Variants in SPECC1 observed in about 807,000 individuals in gnomAD.
The protein encoded by SPECC1 is sperm antigen with calponin homology and coiled-coil domains 1.
SPECC1 carries 62 observed loss-of-function variants against 104.1 expected under a neutral mutation model. That is an observed-to-expected ratio of 0.60 (90% confidence interval 0.49 to 0.74). SPECC1 has a LOEUF of 0.74. SPECC1 is among the 30% of genes least tolerant of loss of function. The probability of loss-of-function intolerance (pLI) is 0.00; values close to 1 mark genes in which losing one functional copy is unlikely to be tolerated. For missense variants in SPECC1, 1,306 were observed against 1,310.5 expected (o/e 1.00, Z 0.05); for synonymous variants, 513 against 501.6 (o/e 1.02, Z -0.30).
At chr17:20,096,054 T>A (rs2047629863) in intron 1 of SPECC1, 1 of 152,222 alleles carries the variant, frequency 6.6e-6, no homozygotes, top group Non-Finnish European at 1.5e-5. Context: ...ACAATTTTCC[T>A]TTCATAAAAT....
At chr17:20,015,481 C>T (rs2044083292) in intron 1 of SPECC1, among the ~76,000 whole-genome samples, 2 of 151,664 alleles carry the variant, frequency 1.3e-5, no homozygotes, top group African/African-American at 4.8e-5. Flanking sequence ...GCTGGTTTTG[C>T]AGGTCACCAA....
In SPECC1 at chr17:20,201,398, CTT is replaced by C. The variant is rs10617521; in HGVS notation, c.284-2934_284-2933del. Among the ~76,000 whole-genome samples the C allele has an allele frequency of 6.6e-3, 1,003 of 152,204 alleles. 9 individuals are homozygous for C. The highest frequency in any genetic ancestry group is 0.023 in the African/African-American group (950 of 41,530). On this transcript the variant is annotated intron_variant, in intron 3 of 14. Transcript: ENST00000395527. ...TCGGGATGCTGAGGCAGGAGAATCA[CTT>C]AAACTTTGGAGGCAGAGGTTGCAGT...
chr17:20,180,799 A>G (rs975817733), intron 3 of SPECC1, among the ~76,000 whole-genome samples: 1 of 152,256 alleles, frequency 6.6e-6, no homozygotes, highest in Non-Finnish European at 1.5e-5. Context: ...GGTTAGAAAC[A>G]ACATATGCAA....
At chr17:20,228,824 C>G (rs1235907044) in intron 5 of SPECC1, among the ~76,000 whole-genome samples, 1 of 152,110 alleles carries the variant, frequency 6.6e-6, no homozygotes, top group Admixed American at 6.5e-5. Flanking sequence ...TAAGCCTTAC[C>G]AAATTATCAC....
chr17:20,166,637 G>T (rs1296227824), intron 3 of SPECC1, among the ~76,000 whole-genome samples: 1 of 152,056 alleles, frequency 6.6e-6, no homozygotes, highest in East Asian at 1.9e-4. Context: ...ACATTCAAAA[G>T]AAAAGAAACA....
intron 1 of SPECC1, among the ~76,000 whole-genome samples, chr17:20,030,250 C>CT (rs1288635040): frequency 6.6e-6 from 1 of 151,964 alleles, no homozygotes; most frequent in Non-Finnish European, 1.5e-5. Flanking sequence ...ACATGTGTGT[C>CT]TTAACTTACC....
chr17:20,280,407 A>C lies in SPECC1; in HGVS notation c.2941-16554A>C, dbSNP rs117677829. Among the ~76,000 whole-genome samples the C allele has an allele frequency of 1.4e-4, 22 of 152,344 alleles. No homozygotes were observed. The East Asian group carries it at 4.1e-3, about 28-fold the overall frequency. On this transcript the variant is annotated intron_variant, in intron 12 of 14. Coordinates refer to ENST00000395527, the MANE Select transcript of SPECC1 (RefSeq NM_001243439.2). ...CTAGTAAGGGATAGAGCTGGGACTG[A>C]ACTCCTGCTGTTGGGCCCAGCATCC...
intron 12 of SPECC1, among the ~76,000 whole-genome samples, chr17:20,289,936 G>C (rs1470001893): frequency 1.3e-5 from 2 of 152,198 alleles, no homozygotes; most frequent in Non-Finnish European, 2.9e-5. Flanking sequence ...TTAGAGAGAA[G>C]AAGAGTGTTT....
At chr17:20,088,090 C>T (rs1043672183) in intron 1 of SPECC1, among the ~76,000 whole-genome samples, 3 of 152,018 alleles carry the variant, frequency 2.0e-5, no homozygotes, top group African/African-American at 7.2e-5. Context: ...GTGATCAGAG[C>T]TAGGCGAGGA....
intron 9 of SPECC1, among the ~76,000 whole-genome samples, chr17:20,252,103 T>C (rs942905251): frequency 2.0e-5 from 3 of 152,196 alleles, no homozygotes; most frequent in African/African-American, 4.8e-5. Context: ...GAGGGTGTTT[T>C]TCAAGGTTTT....
chr17:20,171,516 T>G (rs1597875741), intron 3 of SPECC1, among the ~76,000 whole-genome samples: 1 of 152,306 alleles, frequency 6.6e-6, no homozygotes, highest in Admixed American at 6.5e-5. Flanking sequence ...CAAACATGCC[T>G]TTTTCATTTA....
At chr17:20,250,353 CTA>C (rs925174983) in intron 9 of SPECC1, among the ~76,000 whole-genome samples, 6 of 152,042 alleles carry the variant, frequency 3.9e-5, no homozygotes, top group African/African-American at 1.4e-4. Context: ...TTTTAAAAGA[CTA>C]TTAAAATTCA....
intron 14 of SPECC1, among the ~76,000 whole-genome samples, chr17:20,310,225 C>T (rs1450287026): frequency 2.0e-5 from 3 of 152,086 alleles, no homozygotes; most frequent in East Asian, 1.9e-4. Flanking sequence ...TTTGATAGAA[C>T]GATTTCTTTT....
chr17:20,204,466 C>T lies in SPECC1; in HGVS notation c.417C>T (p.Asn139=), dbSNP rs753487375. 6.2e-7 allele frequency: 1 copy of T among 1,614,122 alleles called. No individual in the cohort carries two copies. Among genetic ancestry groups the T allele is most frequent in the Non-Finnish European group, 8.5e-7 (1 of 1,180,032 alleles). Residue 139 remains asparagine (N), a synonymous_variant, in exon 4 of 15, where the codon AAC becomes AAT. Coordinates refer to ENST00000395527, the MANE Select transcript of SPECC1 (RefSeq NM_001243439.2). ...CAGTGTCCAGTCCAACTTCTTCCAA[C>T]ACTCCCACTCCTACGAAACACCTGA... ...RKSVSSPTSS[N]TPTPTKHLRT...
At chr17:20,044,995 T>G (rs2045482218) in intron 1 of SPECC1, among the ~76,000 whole-genome samples, 1 of 152,266 alleles carries the variant, frequency 6.6e-6, no homozygotes, top group South Asian at 2.1e-4. Context: ...AAACATGAAG[T>G]TTAAAGAAAT....
intron 3 of SPECC1, among the ~76,000 whole-genome samples, chr17:20,132,640 G>A (rs2049708178): frequency 6.6e-6 from 1 of 150,994 alleles, no homozygotes; most frequent in Non-Finnish European, 1.5e-5. Context: ...CATATTACCT[G>A]CTTAATATTG....
At chr17:20,223,716 G>A (rs1401866255) in intron 4 of SPECC1, among the ~76,000 whole-genome samples, 6 of 151,706 alleles carry the variant, frequency 4.0e-5, no homozygotes, top group South Asian at 2.1e-4. Flanking sequence ...TAAATATATC[G>A]AAAGGATTCT....
At chr17:20,189,448 G>T (rs1175489419) in intron 3 of SPECC1, among the ~76,000 whole-genome samples, 1 of 152,190 alleles carries the variant, frequency 6.6e-6, no homozygotes, top group Non-Finnish European at 1.5e-5. Flanking sequence ...GGCCTGTCAG[G>T]AGTTGCCCTC....
intron 1 of SPECC1, among the ~76,000 whole-genome samples, chr17:20,067,811 A>G (rs2046409938): frequency 1.3e-5 from 2 of 152,096 alleles, no homozygotes; most frequent in African/African-American, 4.8e-5. Flanking sequence ...GGCACTGTCA[A>G]ATTCTAGAAC....
Sources: gnomAD v4.1 joint callset for allele counts (sites outside exome capture counted in the v4.1 genomes callset) on GRCh38, gnomAD v4.1.1 for gene constraint, MANE v1.5 for transcripts, NCBI Gene and HGNC (gene_info 2026-07-23, HGNC 2026-07-21) for gene names.